The following TTL variants were observed in gnomAD, a reference collection of about 807,000 sequenced individuals.
The protein encoded by TTL is tubulin--tyrosine ligase.
A neutral mutation model predicts 41.1 loss-of-function variants in TTL; 10 were observed. The ratio of observed to expected loss-of-function variants is 0.24; its 90% CI spans 0.15 to 0.41. The LOEUF (loss-of-function observed/expected upper bound fraction) is 0.41, where lower values mean the gene tolerates loss of function less well. Ranked by LOEUF, TTL falls within the 10% of genes least tolerant of loss-of-function variation. The pLI is 1.00. For synonymous variants in TTL, 175 were observed against 175.5 expected, an observed-to-expected ratio of 1.00 and a Z score of 0.02; for missense variants, 367 against 460.4, an observed-to-expected ratio of 0.80 and a Z score of 1.86.
rs1420627741 is a variant in TTL at position 112,530,939 on chromosome 2, CAAATAAATTTAAATAAATTTT to C, written c.*2155_*2175del. ...ATTTTTAAAATTTGATTTTAAATTT[CAAATAAATTTAAATAAATTTT>C]AAATAAATTTTAAATAAAATTTTAC... On this transcript the variant is annotated 3_prime_UTR_variant, in exon 7 of 7. Transcript: ENST00000233336. 86 of 176,682 alleles carry C rather than the reference CAAATAAATTTAAATAAATTTT, an allele frequency of 4.9e-4. No individual in the cohort carries two copies. The East Asian group carries it at 7.3e-3, about 15-fold the overall frequency. The allele number at this position is 176,682 out of a possible 1,614,324, so 10.9% of individuals were successfully genotyped here. A position where few individuals can be genotyped will look rare whatever the true frequency, so the allele number is the denominator to read the frequency against.
intron 2 of TTL, among the ~76,000 whole-genome samples, chr2:112,489,945 G>A (rs564550558): frequency 1.3e-5 from 2 of 152,284 alleles, no homozygotes; most frequent in Admixed American, 6.5e-5. Flanking sequence ...CTGAATTGGA[G>A]TTGAAAAGTA....
rs1437675 is a variant in TTL, at chr2:112,541,009, T to C, written c.*12214T>C. The C allele has an allele frequency of 0.54, 82,038 of 152,034 alleles. 22,425 individuals carry two copies. Among genetic ancestry groups the C allele is most frequent in the Middle Eastern group, 0.67 (197 of 294 alleles). 9.4% of individuals were successfully genotyped at this position (152,034 alleles called of 1,614,324 possible). The stretch of plus-strand genomic sequence containing the variant: ...AATAACTGAGGAAGTACAATTGGAA[T>C]GTTCATGACAGAAATGATGAATGCT... On this transcript the variant is annotated 3_prime_UTR_variant, in exon 7 of 7. Coordinates refer to ENST00000233336, the MANE Select transcript of TTL (RefSeq NM_153712.5).
chr2:112,532,287 G>A lies in TTL; in HGVS notation c.*3492G>A, dbSNP rs1682527031. ...GGTGCTGTAGAGAAAATTCAGTGAC[G>A]TACATGGCTCTGGTTCTGGACACAA... On this transcript the variant is annotated 3_prime_UTR_variant, in exon 7 of 7. Coordinates refer to ENST00000233336, the MANE Select transcript of TTL (RefSeq NM_153712.5). 4 of 228,246 alleles carry A rather than the reference G, an allele frequency of 1.8e-5. No individual in the cohort carries two copies. The East Asian group carries it at 2.5e-4, about 14-fold the overall frequency. The allele number at this position is 228,246 out of a possible 1,614,324, so 14.1% of individuals were successfully genotyped here.
Position 112,529,645 on chromosome 2 carries a change from G to A in TTL, c.*850G>A, listed in dbSNP as rs991458483. ...TTTCTTTTTTTACTTTTTTTTAAAC[G>A]TTTGTAAAAACCTCTTTGAGGATGA... On this transcript the variant is annotated 3_prime_UTR_variant, in exon 7 of 7. Coordinates refer to ENST00000233336, the MANE Select transcript of TTL (RefSeq NM_153712.5). 7 of 219,728 alleles carry A rather than the reference G, an allele frequency of 3.2e-5. No individual in the cohort carries two copies. Among genetic ancestry groups the A allele is most frequent in the Admixed American group, 2.9e-4 (5 of 17,072 alleles). 13.6% of individuals were successfully genotyped at this position (219,728 alleles called of 1,614,324 possible).
rs1047841132 is a variant in TTL at position 112,531,295 on chromosome 2, G to A, written c.*2500G>A. ...AGTGCTACCCGTTGCTGGGGGAGGAGTCATGGTTTATTTGGAAATGTCAGT... is the reference window on the plus strand; with the variant it reads ...AGTGCTACCCGTTGCTGGGGGAGGAATCATGGTTTATTTGGAAATGTCAGT... On this transcript the variant is annotated 3_prime_UTR_variant, in exon 7 of 7. Coordinates refer to ENST00000233336, the MANE Select transcript of TTL (RefSeq NM_153712.5). 7 of 227,420 alleles carry A rather than the reference G, an allele frequency of 3.1e-5. No individual in the cohort carries two copies. The highest frequency in any genetic ancestry group is 1.6e-4 in the African/African-American group (7 of 45,016). The allele number at this position is 227,420 out of a possible 1,614,324, so 14.1% of individuals were successfully genotyped here.
rs564006240 is a variant in TTL, at chr2:112,539,621, A to G, written c.*10826A>G. 3 of 152,302 alleles carry G rather than the reference A, an allele frequency of 2.0e-5. No individual in the cohort carries two copies. The highest frequency in any genetic ancestry group is 2.9e-5 in the Non-Finnish European group (2 of 68,026). The allele number at this position is 152,302 out of a possible 1,614,324, so 9.4% of individuals were successfully genotyped here. On this transcript the variant is annotated 3_prime_UTR_variant, in exon 7 of 7. Transcript: ENST00000233336. ...AGCTTTCTTCCCAATATCAGGCACAAAACAAGTATATTTATTCTTGTCACT... is the reference window on the plus strand; with the variant it reads ...AGCTTTCTTCCCAATATCAGGCACAGAACAAGTATATTTATTCTTGTCACT...
At chr2:112,492,141 G>A (rs1382184717) in intron 2 of TTL, among the ~76,000 whole-genome samples, 2 of 152,218 alleles carry the variant, frequency 1.3e-5, no homozygotes, top group East Asian at 1.9e-4. Context: ...ATAGAATAGC[G>A]ATGTGTTTGT....
intron 5 of TTL, among the ~76,000 whole-genome samples, chr2:112,518,582 CT>C (rs1296873428): frequency 1.3e-5 from 2 of 151,920 alleles, no homozygotes; most frequent in African/African-American, 4.8e-5. Context: ...GGCCTCAGTT[CT>C]TTATTAAAGT....
chr2:112,526,760 T>C (rs1682383990), intron 6 of TTL, among the ~76,000 whole-genome samples: 1 of 152,206 alleles, frequency 6.6e-6, no homozygotes, highest in Admixed American at 6.5e-5. Context: ...ATTGATTTTT[T>C]GAAGGGTTTT....
chr2:112,516,913 A>G (rs1559018240), intron 5 of TTL, among the ~76,000 whole-genome samples: 1 of 152,188 alleles, frequency 6.6e-6, no homozygotes, highest in Non-Finnish European at 1.5e-5. Flanking sequence ...TATGCTGGAA[A>G]AAGAATTCCT....
chr2:112,493,993 G>A (rs963886954), intron 2 of TTL, 150 bp from the exon 3 acceptor site: 2 of 639,802 alleles, frequency 3.1e-6, no homozygotes, highest in African/African-American at 3.7e-5. Flanking sequence ...TTTGAGCTTT[G>A]TCCAGGGAGA....
chr2:112,521,211 G>A lies in TTL; in HGVS notation c.1019+786G>A, dbSNP rs989095632. ...GTCCTGTGGGCTCTCACCCTGTCCC[G>A]GGCTCTGCAGGTCTGGGAGATGCCC... On this transcript the variant is annotated intron_variant, in intron 6 of 6. Transcript: ENST00000233336. The A allele has an allele frequency of 8.1e-6, 8 of 985,190 alleles. No individual in the cohort carries two copies. The Admixed American group carries it at 3.7e-4, about 45-fold the overall frequency. 61.0% of individuals were successfully genotyped at this position (985,190 alleles called of 1,614,324 possible). A position where few individuals can be genotyped will look rare whatever the true frequency, so the allele number is the denominator to read the frequency against.
At chr2:112,485,572 T>C (rs1156399118) in intron 1 of TTL, among the ~76,000 whole-genome samples, 2 of 152,164 alleles carry the variant, frequency 1.3e-5, no homozygotes, top group Admixed American at 1.3e-4. Flanking sequence ...GACAAGTCTA[T>C]ATGTGTTAAG....
intron 2 of TTL, among the ~76,000 whole-genome samples, chr2:112,490,380 T>C (rs1681349866): frequency 6.6e-6 from 1 of 151,948 alleles, no homozygotes. Flanking sequence ...ATTGTGCCGC[T>C]GCACTCCAGC....
intron 2 of TTL, among the ~76,000 whole-genome samples, chr2:112,487,693 C>T (rs541079964): frequency 1.1e-4 from 17 of 152,296 alleles, no homozygotes; most frequent in African/African-American, 3.8e-4. Context: ...CCCCTTGCCC[C>T]TCGGAGGCAT....
In TTL at chr2:112,536,677, C is replaced by T. The variant is rs1346235212; in HGVS notation, c.*7882C>T. ...GGTTAGCTTTCCAATCCTTGCACCC[C>T]TCCCTCCCTTCTCCCTCTTGTCATC... On this transcript the variant is annotated 3_prime_UTR_variant, in exon 7 of 7. Transcript: ENST00000233336. 1 of 152,034 alleles carries T rather than the reference C, an allele frequency of 6.6e-6. No individual in the cohort carries two copies. The highest frequency in any genetic ancestry group is 2.4e-5 in the African/African-American group (1 of 41,380). The allele number at this position is 152,034 out of a possible 1,614,324, so 9.4% of individuals were successfully genotyped here.
chr2:112,503,401 G>GTATATATATA (rs778664034), intron 5 of TTL, among the ~76,000 whole-genome samples: 5 of 128,380 alleles, frequency 3.9e-5, no homozygotes, highest in African/African-American at 8.4e-5. Flanking sequence ...GTGTGTGTGT[G>GTATATATATA]TGTATATATA....
At chr2:112,485,824 G>C in intron 1 of TTL, 93 bp from the exon 2 acceptor site, 1 of 1,165,604 alleles carries the variant, frequency 8.6e-7, no homozygotes, top group Non-Finnish European at 1.2e-6. Context: ...CCAATCCTGA[G>C]ATGAGAGAGA....
chr2:112,519,550 G>GTTTT (rs34836273), intron 5 of TTL, among the ~76,000 whole-genome samples: 5 of 110,508 alleles, frequency 4.5e-5, no homozygotes, highest in Admixed American at 2.0e-4. Flanking sequence ...AGGTCAACAT[G>GTTTT]TTTTTTTTTT....
Sources: gnomAD v4.1 joint callset for allele counts (sites outside exome capture counted in the v4.1 genomes callset) on GRCh38, gnomAD v4.1.1 for gene constraint, MANE v1.5 for transcripts, NCBI Gene and HGNC (gene_info 2026-07-23, HGNC 2026-07-21) for gene names.